Variants in AKAP19 observed in about 807,000 individuals in gnomAD.
The protein encoded by AKAP19 is A-kinase anchoring protein 19.
chr2:190,058,097 C>T, the AKAP19 span, among the ~76,000 whole-genome samples: 5 of 152,036 alleles, frequency 3.3e-5, no homozygotes, highest in Non-Finnish European at 7.4e-5. Flanking sequence ...TATAGTCATC[C>T]ATCCTCCTCA....
the AKAP19 span, among the ~76,000 whole-genome samples, chr2:189,958,040 C>T: frequency 2.0e-5 from 3 of 152,254 alleles, no homozygotes; most frequent in Non-Finnish European, 2.9e-5. Context: ...GTAATCCACT[C>T]GCCTCAGCCT....
At chr2:189,897,414 G>A in the AKAP19 span, among the ~76,000 whole-genome samples, 1 of 151,990 alleles carries the variant, frequency 6.6e-6, no homozygotes, top group South Asian at 2.1e-4. Context: ...TTTCTATTAA[G>A]CTAATGAAAG....
chr2:189,923,945 A>T, the AKAP19 span: 1 of 1,610,918 alleles, frequency 6.2e-7, no homozygotes, highest in East Asian at 2.2e-5. Flanking sequence ...CCTGGAAAAA[A>T]TTGAAAAGGA....
chr2:190,162,267 A>C, the AKAP19 span, among the ~76,000 whole-genome samples: 1 of 152,172 alleles, frequency 6.6e-6, no homozygotes, highest in East Asian at 1.9e-4. Context: ...GTAATATTTT[A>C]AATTGCTTAT....
At chr2:190,111,396 C>T in the AKAP19 span, among the ~76,000 whole-genome samples, 1 of 152,006 alleles carries the variant, frequency 6.6e-6, no homozygotes, top group Non-Finnish European at 1.5e-5. Flanking sequence ...AAGACTGAGC[C>T]TTAGAGTGCC....
At chr2:190,174,792 A>G in the AKAP19 span, among the ~76,000 whole-genome samples, 3 of 152,376 alleles carry the variant, frequency 2.0e-5, no homozygotes, top group Admixed American at 2.0e-4. Context: ...AGTTGGCCCC[A>G]TCTTGATGCC....
At chr2:190,181,097 G>A in the AKAP19 span, 44 of 985,490 alleles carry the variant, frequency 4.5e-5, no homozygotes, top group Non-Finnish European at 5.2e-5. Context: ...GCAGCTGCCG[G>A]GCAACGTGTT....
At chr2:189,922,000 G>A in the AKAP19 span, among the ~76,000 whole-genome samples, 2 of 152,212 alleles carry the variant, frequency 1.3e-5, no homozygotes, top group Non-Finnish European at 2.9e-5. Context: ...GATAGGGGAA[G>A]TATAGGGTGC....
At chr2:190,129,568 T>C in the AKAP19 span, among the ~76,000 whole-genome samples, 3 of 151,862 alleles carry the variant, frequency 2.0e-5, no homozygotes, top group East Asian at 5.8e-4. Context: ...GAAAGTATTT[T>C]CTAAGGTGAT....
chr2:189,937,932 TGG>T, the AKAP19 span, among the ~76,000 whole-genome samples: 1 of 152,178 alleles, frequency 6.6e-6, no homozygotes, highest in Non-Finnish European at 1.5e-5. Context: ...GAAAGGAAAT[TGG>T]CATACTGAAG....
chr2:190,031,924 T>C, the AKAP19 span, among the ~76,000 whole-genome samples: 1 of 152,324 alleles, frequency 6.6e-6, no homozygotes, highest in South Asian at 2.1e-4. Context: ...ATAAAATTTG[T>C]AATTTTAAAT....
the AKAP19 span, among the ~76,000 whole-genome samples, chr2:189,887,529 G>C: frequency 1.3e-5 from 2 of 152,192 alleles, no homozygotes; most frequent in South Asian, 4.2e-4. Context: ...GGTATTTCTG[G>C]TTCTAGCTCC....
chr2:190,016,462 C>G, the AKAP19 span, among the ~76,000 whole-genome samples: 19 of 152,204 alleles, frequency 1.2e-4, no homozygotes, highest in Non-Finnish European at 2.5e-4. Context: ...CCAATCACTT[C>G]CCACCAGGTA....
the AKAP19 span, among the ~76,000 whole-genome samples, chr2:190,005,692 T>C: frequency 2.0e-5 from 3 of 152,178 alleles, no homozygotes; most frequent in African/African-American, 4.8e-5. Flanking sequence ...TCCTCTAAGT[T>C]AGGAGAAATG....
chr2:190,045,131 A>C, the AKAP19 span, among the ~76,000 whole-genome samples: 1 of 151,980 alleles, frequency 6.6e-6, no homozygotes, highest in Non-Finnish European at 1.5e-5. Flanking sequence ...ACAAATCTCT[A>C]TCAGCCAGAG....
At chr2:189,896,802 C>T in the AKAP19 span, among the ~76,000 whole-genome samples, 1 of 151,814 alleles carries the variant, frequency 6.6e-6, no homozygotes, top group African/African-American at 2.4e-5. Context: ...ATTTTTCTTT[C>T]CCCAAAGGAT....
At chr2:190,070,802 T>C in the AKAP19 span, among the ~76,000 whole-genome samples, 1 of 152,206 alleles carries the variant, frequency 6.6e-6, no homozygotes, top group Non-Finnish European at 1.5e-5. Context: ...AAAATCTCCA[T>C]TCAAACTCAG....
the AKAP19 span, among the ~76,000 whole-genome samples, chr2:189,945,375 G>C: frequency 6.6e-6 from 1 of 152,196 alleles, no homozygotes; most frequent in East Asian, 1.9e-4. Flanking sequence ...CCAAGAGCCA[G>C]GTGAGTGAGC....
At chr2:189,901,268 T>C in the AKAP19 span, among the ~76,000 whole-genome samples, 1 of 152,158 alleles carries the variant, frequency 6.6e-6, no homozygotes, top group African/African-American at 2.4e-5. Context: ...TTTTTGCTCT[T>C]GGTGTCCTTC....
Sources: allele counts gnomAD v4.1 joint callset (sites outside exome capture counted in the v4.1 genomes callset), GRCh38; gene constraint gnomAD v4.1.1; transcripts MANE v1.5; gene names NCBI Gene and HGNC (gene_info 2026-07-23, HGNC 2026-07-21).